The following B3GALNT2 variants were observed in gnomAD, a reference collection of about 807,000 sequenced individuals.
B3GALNT2 encodes beta-1,3-N-acetylgalactosaminyltransferase 2, also known as UDP-GalNAc:beta-1,3-N-acetylgalactosaminyltransferase 2.
A neutral mutation model predicts 61.1 loss-of-function variants in B3GALNT2; 53 were observed. The ratio of observed to expected loss-of-function variants is 0.87; its 90% CI spans 0.70 to 1.09. B3GALNT2 has a LOEUF of 1.09. B3GALNT2 is among the 50% of genes least tolerant of loss of function. B3GALNT2 has a pLI of 0.00. For missense variants in B3GALNT2, 544 were observed against 623.0 expected (o/e 0.87, Z 1.35); for synonymous variants, 223 against 237.4 (o/e 0.94, Z 0.56).
At chr1:235,441,066 GCCCAATCT>G in the B3GALNT2 span, 47 of 152,646 alleles carry the variant, frequency 3.1e-4, no homozygotes, top group African/African-American at 1.1e-3. Flanking sequence ...CCATTAGCCA[GCCCAATCT>G]CCTGGCCACG....
At chr1:235,458,556 A>C (rs574139636) in intron 8 of B3GALNT2, 47 bp downstream of exon 8, 4 of 1,532,312 alleles carry the variant, frequency 2.6e-6, no homozygotes, top group Admixed American at 2.2e-5. Context: ...AAAAAAAAAA[A>C]CTAACAATAA....
the B3GALNT2 span, chr1:235,440,914 A>C: frequency 2.0e-5 from 3 of 152,178 alleles, no homozygotes; most frequent in African/African-American, 7.2e-5. Flanking sequence ...TGTTTTGATG[A>C]CATTATTACT....
intron 1 of B3GALNT2, among the ~76,000 whole-genome samples, chr1:235,498,827 G>A (rs933500896): frequency 8.0e-5 from 9 of 112,222 alleles, no homozygotes; most frequent in Non-Finnish European, 1.3e-4. Context: ...CTGGGTGACA[G>A]AGCTAGACTC....
chr1:235,474,917 A>G, intron 5 of B3GALNT2, among the ~76,000 whole-genome samples: 1 of 141,446 alleles, frequency 7.1e-6, no homozygotes, highest in South Asian at 2.2e-4. Context: ...ACAGGTTCCA[A>G]CTGTACCATT....
chr1:235,486,764 T>C lies in B3GALNT2; in HGVS notation c.362-2249A>G, dbSNP rs114814401. On this transcript the variant is annotated intron_variant, in intron 3 of 11. Coordinates refer to ENST00000366600, the MANE Select transcript of B3GALNT2 (RefSeq NM_152490.5). ...AATAAAAATATGGTTAATTTAAAAG[T>C]GAAGGGCTTCTTTTTGTTTTGGTTT... Among the ~76,000 whole-genome samples the C allele has an allele frequency of 7.6e-3, 1,151 of 152,336 alleles. 11 individuals are homozygous for C. Among genetic ancestry groups the C allele is most frequent in the African/African-American group, 0.027 (1,106 of 41,574 alleles).
At chr1:235,442,007 A>ATT in the B3GALNT2 span, 96 of 830,288 alleles carry the variant, frequency 1.2e-4, no homozygotes, top group Middle Eastern at 7.5e-4. Flanking sequence ...TTTAAATGAA[A>ATT]ATTTTTTTTT....
intron 2 of B3GALNT2, 99 bp downstream of exon 2, chr1:235,494,582 C>T (rs1685225576): frequency 6.1e-6 from 8 of 1,318,894 alleles, no homozygotes; most frequent in South Asian, 1.4e-5. Context: ...TCAGCCTCCC[C>T]GGTAGCTGGG....
At chr1:235,501,092 C>T (rs1685561532) in intron 1 of B3GALNT2, among the ~76,000 whole-genome samples, 1 of 152,126 alleles carries the variant, frequency 6.6e-6, no homozygotes, top group African/African-American at 2.4e-5. Flanking sequence ...TTCCAGATAC[C>T]CTAGAAAGCG....
At chr1:235,483,004 T>A (rs1218278471) in intron 4 of B3GALNT2, among the ~76,000 whole-genome samples, 1 of 152,142 alleles carries the variant, frequency 6.6e-6, no homozygotes, top group African/African-American at 2.4e-5. Context: ...TGGTCAAAGC[T>A]GTAGAGAAAA....
intron 7 of B3GALNT2, among the ~76,000 whole-genome samples, chr1:235,460,279 G>A (rs1683359181): frequency 6.6e-6 from 1 of 151,456 alleles, no homozygotes; most frequent in South Asian, 2.1e-4. Flanking sequence ...ACTGTGCCCA[G>A]CTAATTGTTT....
chr1:235,468,106 CTA>C (rs1258661728), intron 6 of B3GALNT2, among the ~76,000 whole-genome samples: 1 of 152,074 alleles, frequency 6.6e-6, no homozygotes, highest in Non-Finnish European at 1.5e-5. Context: ...TTGTATATTT[CTA>C]TATTGTTTTG....
chr1:235,458,510 G>T, intron 8 of B3GALNT2, 93 bp downstream of exon 8: 1 of 1,461,334 alleles, frequency 6.8e-7, no homozygotes, highest in East Asian at 2.4e-5. Flanking sequence ...CCCCTAGTAA[G>T]GGGTTTCCTT....
intron 3 of B3GALNT2, among the ~76,000 whole-genome samples, chr1:235,484,870 A>C (rs903940535): frequency 2.6e-5 from 4 of 152,368 alleles, no homozygotes; most frequent in African/African-American, 9.6e-5. Context: ...AATAAGAAAA[A>C]CAGTACTGAC....
At chr1:235,478,515 G>A (rs1044745216) in intron 5 of B3GALNT2, among the ~76,000 whole-genome samples, 2 of 152,158 alleles carry the variant, frequency 1.3e-5, no homozygotes, top group Admixed American at 6.5e-5. Flanking sequence ...CTCCCCTCCA[G>A]GAAGGAATCA....
downstream of B3GALNT2, among the ~76,000 whole-genome samples, chr1:235,446,763 T>C (rs561957722): frequency 2.0e-5 from 3 of 151,156 alleles, no homozygotes; most frequent in Non-Finnish European, 4.4e-5. Flanking sequence ...AGTGGCGCGA[T>C]CATGGCTCAC....
the B3GALNT2 span, among the ~76,000 whole-genome samples, chr1:235,440,088 A>C: frequency 2.0e-5 from 3 of 151,992 alleles, no homozygotes; most frequent in Admixed American, 6.6e-5. Context: ...CTCCTGCCTC[A>C]GCCTCCCGAG....
intron 8 of B3GALNT2, 60 bp downstream of exon 8, chr1:235,458,543 C>T: frequency 3.0e-6 from 4 of 1,311,950 alleles, no homozygotes; most frequent in Non-Finnish European, 4.0e-6. Context: ...GACCCCATCT[C>T]AAAAAAAAAA....
intron 3 of B3GALNT2, among the ~76,000 whole-genome samples, chr1:235,488,919 G>A (rs770851476): frequency 3.3e-5 from 5 of 151,900 alleles, no homozygotes; most frequent in Non-Finnish European, 5.9e-5. Context: ...GCCAGTTTTC[G>A]TGGCATGTGC....
the B3GALNT2 span, among the ~76,000 whole-genome samples, chr1:235,440,189 C>G: frequency 1.3e-5 from 2 of 152,238 alleles, no homozygotes; most frequent in South Asian, 2.1e-4. Context: ...CCAGGATGGT[C>G]TCGATCTCCT....
Sources: gnomAD v4.1 joint callset for allele counts (sites outside exome capture counted in the v4.1 genomes callset) on GRCh38, gnomAD v4.1.1 for gene constraint, MANE v1.5 for transcripts, NCBI Gene and HGNC (gene_info 2026-07-23, HGNC 2026-07-21) for gene names.